Variants in APBA1 observed in about 807,000 individuals in gnomAD.
APBA1 encodes the protein amyloid-beta A4 precursor protein-binding family A member 1.
APBA1 carries 55 observed loss-of-function variants against 86.6 expected under a neutral mutation model. That is an observed-to-expected ratio of 0.64 (90% CI 0.51 to 0.80). The LOEUF (loss-of-function observed/expected upper bound fraction) is 0.80, where lower values mean the gene tolerates loss of function less well. Among genes scored for constraint, APBA1 ranks in the 30% least tolerant of loss-of-function variants. The probability of loss-of-function intolerance (pLI) is 0.00; values close to 1 mark genes in which losing one functional copy is unlikely to be tolerated. For missense variants in APBA1, 1,090 were observed against 1,183.0 expected (o/e 0.92, Z 1.15); for synonymous variants, 511 against 493.9 (o/e 1.03, Z -0.46).
chr9:69,581,396 AAAAG>A (rs1031243946), intron 1 of APBA1, among the ~76,000 whole-genome samples: 8 of 152,198 alleles, frequency 5.3e-5, no homozygotes, highest in African/African-American at 1.9e-4. Context: ...GGTAGAAAAA[AAAAG>A]AAGTTCTGCC....
chr9:69,606,686 G>A (rs931794453), intron 1 of APBA1, among the ~76,000 whole-genome samples: 1 of 151,740 alleles, frequency 6.6e-6, no homozygotes, highest in Non-Finnish European at 1.5e-5. Context: ...TAGAGACAGG[G>A]TTTCACCGTG....
chr9:69,474,409 C>T (rs1835410543), intron 3 of APBA1: 1 of 152,224 alleles, frequency 6.6e-6, no homozygotes, highest in Admixed American at 6.5e-5. Context: ...GTGATACCTA[C>T]CTCACAGAAT....
intron 1 of APBA1, among the ~76,000 whole-genome samples, chr9:69,564,828 A>G (rs1837000188): frequency 6.6e-6 from 1 of 152,214 alleles, no homozygotes; most frequent in Admixed American, 6.5e-5. Flanking sequence ...CATGTACCCA[A>G]AAGAGTTGAC....
chr9:69,568,668 G>T (rs1264020485), intron 1 of APBA1, among the ~76,000 whole-genome samples: 1 of 152,154 alleles, frequency 6.6e-6, no homozygotes, highest in African/African-American at 2.4e-5. Flanking sequence ...GTCTTGATAA[G>T]CAAATCCACA....
intron 2 of APBA1, among the ~76,000 whole-genome samples, chr9:69,491,682 A>G (rs1195395767): frequency 1.3e-5 from 2 of 151,656 alleles, no homozygotes; most frequent in Non-Finnish European, 1.5e-5. Context: ...CTGCTTTCCT[A>G]TATTAGGCTC....
chr9:69,448,087 T>C (rs1834942164), intron 10 of APBA1, among the ~76,000 whole-genome samples: 1 of 150,888 alleles, frequency 6.6e-6, no homozygotes, highest in South Asian at 2.1e-4. Context: ...AGACCCCATC[T>C]CTCCCTGACT....
intron 2 of APBA1, among the ~76,000 whole-genome samples, chr9:69,499,663 G>GT (rs34292166): frequency 0.38 from 54,256 of 141,412 alleles, 11,040 homozygotes; most frequent in Non-Finnish European, 0.46. Context: ...CCTAGCAACG[G>GT]TCCAAAAAAA....
chr9:69,555,651 T>G (rs910895048), intron 1 of APBA1, among the ~76,000 whole-genome samples: 1 of 152,188 alleles, frequency 6.6e-6, no homozygotes, highest in Non-Finnish European at 1.5e-5. Flanking sequence ...CTTAACAAGA[T>G]TCATCAAAAT....
chr9:69,558,611 G>A (rs983486482), intron 1 of APBA1, among the ~76,000 whole-genome samples: 2 of 149,430 alleles, frequency 1.3e-5, no homozygotes, highest in African/African-American at 2.5e-5. Context: ...TTTATTTTAG[G>A]TTCAGGGGTA....
intron 1 of APBA1, among the ~76,000 whole-genome samples, chr9:69,605,123 C>A (rs924345888): frequency 1.4e-4 from 21 of 152,114 alleles, no homozygotes; most frequent in Admixed American, 7.2e-4. Context: ...CTTTCTCCTG[C>A]CCTTTAAAAA....
chr9:69,596,399 T>C (rs921243807), intron 1 of APBA1, among the ~76,000 whole-genome samples: 7 of 152,234 alleles, frequency 4.6e-5, no homozygotes, highest in Non-Finnish European at 8.8e-5. Flanking sequence ...TATCTGTGTA[T>C]TCATTATGAT....
At chr9:69,486,751 G>A (rs947961342) in intron 2 of APBA1, among the ~76,000 whole-genome samples, 5 of 152,044 alleles carry the variant, frequency 3.3e-5, no homozygotes, top group Non-Finnish European at 7.4e-5. Context: ...ATGAGGCTGC[G>A]GAGCCGGGCT....
chr9:69,662,055 CAG>C (rs371531959), intron 1 of APBA1, among the ~76,000 whole-genome samples: 2 of 148,224 alleles, frequency 1.3e-5, no homozygotes, highest in African/African-American at 2.5e-5. Flanking sequence ...CACACACACA[CAG>C]ACATCCCAAG....
intron 1 of APBA1, among the ~76,000 whole-genome samples, chr9:69,543,271 G>C (rs1385478775): frequency 5.7e-5 from 2 of 34,846 alleles, no homozygotes; most frequent in African/African-American, 1.0e-4. Context: ...TGCTGTGCTG[G>C]GATTTCCCCC....
Position 69,658,286 on chromosome 9 carries a change from C to CTTTTTCTT in APBA1, c.-70+13866_-70+13867insAAGAAAAA, listed in dbSNP as rs770180947. On this transcript the variant is annotated intron_variant, in intron 1 of 12. Coordinates refer to ENST00000265381, the MANE Select transcript of APBA1 (RefSeq NM_001163.4). ...TTTCTTTCTTTCTTTCTTTCTTTCTCTCTCTCTTTCTCTCTCTCTCTTTCT... is the reference window on the plus strand; with the variant it reads ...TTTCTTTCTTTCTTTCTTTCTTTCTCTTTTTCTTTCTCTCTTTCTCTCTCTCTCTTTCT... Among the ~76,000 whole-genome samples, 73 of 74,226 alleles carry CTTTTTCTT rather than the reference C, an allele frequency of 9.8e-4. 1 individual carries two copies. The highest frequency in any genetic ancestry group is 1.5e-3 in the Non-Finnish European group (49 of 32,880). 48.7% of individuals were successfully genotyped at this position (74,226 alleles called of 152,430 possible).
At chr9:69,503,093 G>A (rs551934484) in intron 2 of APBA1, among the ~76,000 whole-genome samples, 1 of 152,202 alleles carries the variant, frequency 6.6e-6, no homozygotes, top group Non-Finnish European at 1.5e-5. Context: ...ATATAACATA[G>A]TTAATAAAGC....
intron 1 of APBA1, among the ~76,000 whole-genome samples, chr9:69,552,299 A>C (rs928703427): frequency 2.6e-5 from 4 of 152,228 alleles, no homozygotes; most frequent in Admixed American, 1.3e-4. Flanking sequence ...TGCTTGATTC[A>C]TTGTGTTTTT....
chr9:69,428,997 A>G lies in APBA1; in HGVS notation c.*2330T>C, dbSNP rs2133772853. 1 of 152,248 alleles carries G rather than the reference A, an allele frequency of 6.6e-6. No individual in the cohort carries two copies. The highest frequency in any genetic ancestry group is 1.9e-4 in the East Asian group (1 of 5,198). The allele number at this position is 152,248 out of a possible 1,614,324, so 9.4% of individuals were successfully genotyped here. A position where few individuals can be genotyped will look rare whatever the true frequency, so the allele number is the denominator to read the frequency against. Reference sequence around the variant, plus strand: ...AAAGTTTACAAGGTTTTTGTGCAATAGGAATAGAAAGTATATTCTCTCCTT... The same window carrying G: ...AAAGTTTACAAGGTTTTTGTGCAATGGGAATAGAAAGTATATTCTCTCCTT... On this transcript the variant is annotated 3_prime_UTR_variant, in exon 13 of 13. Coordinates refer to ENST00000265381, the MANE Select transcript of APBA1 (RefSeq NM_001163.4).
intron 1 of APBA1, among the ~76,000 whole-genome samples, chr9:69,546,453 G>A (rs968960530): frequency 6.6e-6 from 1 of 152,248 alleles, no homozygotes; most frequent in Middle Eastern, 3.4e-3. Flanking sequence ...AAAACTGGAG[G>A]GAGTAAGATA....
Sources: gnomAD v4.1 joint callset for allele counts (sites outside exome capture counted in the v4.1 genomes callset) on GRCh38, gnomAD v4.1.1 for gene constraint, MANE v1.5 for transcripts, NCBI Gene and HGNC (gene_info 2026-07-23, HGNC 2026-07-21) for gene names.